Variants in COL22A1 observed in about 807,000 individuals in gnomAD.
COL22A1 encodes the protein collagen alpha-1(XXII) chain.
In COL22A1, 221 loss-of-function variants were observed where a neutral mutation model predicts 248.9. The observed-to-expected ratio is 0.89, with a 90% CI of 0.80 to 0.99. COL22A1 has a LOEUF of 0.99. Among genes scored for constraint, COL22A1 ranks in the 50% least tolerant of loss-of-function variants. The pLI is 0.00. For synonymous variants in COL22A1, 891 were observed against 793.4 expected (o/e 1.12, Z -2.07); for missense variants, 2,240 against 2,179.0 (o/e 1.03, Z -0.56).
intron 22 of COL22A1, among the ~76,000 whole-genome samples, chr8:138,750,574 C>A (rs1295478159): frequency 6.6e-6 from 1 of 152,132 alleles, no homozygotes. Context: ...CTAAGAGAGG[C>A]CATACGTGGA....
chr8:138,732,197 G>T (rs1830761541), intron 23 of COL22A1, among the ~76,000 whole-genome samples: 1 of 152,110 alleles, frequency 6.6e-6, no homozygotes, highest in South Asian at 2.1e-4. Flanking sequence ...ACACATTATT[G>T]TCCTTTTATA....
intron 38 of COL22A1, 65 bp from the exon 39 acceptor site, chr8:138,684,534 G>C: frequency 8.6e-7 from 1 of 1,156,360 alleles, no homozygotes; most frequent in Non-Finnish European, 1.3e-6. Flanking sequence ...CATCCACCAC[G>C]TGCCAGGCTG....
At chr8:138,735,209 A>G (rs888837594) in intron 23 of COL22A1, among the ~76,000 whole-genome samples, 1 of 152,156 alleles carries the variant, frequency 6.6e-6, no homozygotes, top group Admixed American at 6.5e-5. Flanking sequence ...AGAAAAAGAA[A>G]CCTGGCCTCT....
chr8:138,635,000 G>A lies in COL22A1; in HGVS notation c.3609+10C>T. The A allele has an allele frequency of 6.3e-7, 1 of 1,580,832 alleles. No homozygotes were observed. Among genetic ancestry groups the A allele is most frequent in the Admixed American group, 1.7e-5 (1 of 59,582 alleles). ...GCCGAAAGAGGAGGGGATTAAAGAT[G>A]ATTACTTACTGGTGGCCCAGGGTTC... is the stretch of plus-strand genomic sequence containing the variant. On this transcript the variant is annotated intron_variant, in intron 49 of 64. Transcript: ENST00000303045.
At chr8:138,601,747 T>A (rs1006982756) in intron 60 of COL22A1, among the ~76,000 whole-genome samples, 1 of 152,162 alleles carries the variant, frequency 6.6e-6, no homozygotes, top group East Asian at 1.9e-4. Context: ...TCCTGGCAAA[T>A]TGGCACTTCG....
intron 2 of COL22A1, among the ~76,000 whole-genome samples, chr8:138,881,916 T>C (rs1411381624): frequency 6.6e-6 from 1 of 152,146 alleles, no homozygotes; most frequent in Non-Finnish European, 1.5e-5. Context: ...GGGGCCCTCA[T>C]ACAGGTTAGC....
chr8:138,878,222 G>A lies in COL22A1; in HGVS notation c.186C>T (p.Ala62=). The change falls in exon 3 of 65, where the codon GCC becomes GCT. Residue 62 remains alanine, a synonymous_variant. Transcript: ENST00000303045. ...CCACCTCGAAGGTGTCCACCAGGTTGGCCACCCACTGCCGGACCTTCTCAA... is the reference window on the plus strand; with the variant it reads ...CCACCTCGAAGGTGTCCACCAGGTTAGCCACCCACTGCCGGACCTTCTCAA... ...EDFEKVRQWV[A]NLVDTFEVGP... The A allele has an allele frequency of 6.3e-7, 1 of 1,596,218 alleles. No homozygotes were observed. The highest frequency in any genetic ancestry group is 8.5e-7 in the Non-Finnish European group (1 of 1,171,628).
chr8:138,753,355 A>G (rs1832756689), intron 21 of COL22A1, among the ~76,000 whole-genome samples: 1 of 152,212 alleles, frequency 6.6e-6, no homozygotes, highest in South Asian at 2.1e-4. Context: ...TCTCTTAATA[A>G]GGCCTTTAGT....
At chr8:138,739,014 C>T (rs894050691) in intron 22 of COL22A1, among the ~76,000 whole-genome samples, 1 of 152,154 alleles carries the variant, frequency 6.6e-6, no homozygotes, top group African/African-American at 2.4e-5. Flanking sequence ...TTCTCTCTCC[C>T]CAGAACCACT....
rs1817317479 is a variant in COL22A1 at position 138,594,105 on chromosome 8, C to T, written c.4527G>A (p.Gly1509=). 3 of 1,581,836 alleles carry T rather than the reference C, an allele frequency of 1.9e-6. No individual in the cohort carries two copies. Among genetic ancestry groups the T allele is most frequent in the Middle Eastern group, 1.7e-4 (1 of 5,968 alleles). Residue 1509 remains glycine, a synonymous_variant, in exon 63 of 65, where the codon GGG becomes GGA. Coordinates refer to ENST00000303045, the MANE Select transcript of COL22A1 (RefSeq NM_152888.3). The part of the protein sequence containing the change: ...PGPPGPPGKD[G]LPGRAGPMGE... The stretch of plus-strand genomic sequence containing the variant: ...CCATGGGGCCGGCCCGGCCTGGAAG[C>T]CCATCTTTTCCAGGGGGCCCTGGGG...
At position 138,751,521 on chromosome 8, in the gene COL22A1, G is replaced by C; in HGVS notation, c.2032-10C>G. The C allele has an allele frequency of 6.3e-7, 1 of 1,597,572 alleles. No homozygotes were observed. Among genetic ancestry groups the C allele is most frequent in the Non-Finnish European group, 8.5e-7 (1 of 1,170,244 alleles). On this transcript the variant is annotated splice_polypyrimidine_tract_variant and intron_variant, in intron 21 of 64. Transcript: ENST00000303045. ...CTGGGCCTATTGGACCCTTTAGGAG[G>C]GAGAAAAAGGAAAAAGAGAGAGAAA... is the stretch of plus-strand genomic sequence containing the variant.
chr8:138,692,839 TC>T (rs952636219), intron 35 of COL22A1, among the ~76,000 whole-genome samples: 1 of 152,168 alleles, frequency 6.6e-6, no homozygotes, highest in Non-Finnish European at 1.5e-5. Flanking sequence ...TTGCCATCTG[TC>T]CCCACTGTGG....
intron 61 of COL22A1, among the ~76,000 whole-genome samples, chr8:138,597,867 C>T (rs568117720): frequency 2.0e-5 from 3 of 152,328 alleles, no homozygotes; most frequent in East Asian, 3.9e-4. Context: ...AGCCTCTCCA[C>T]TGACTTGGCC....
chr8:138,694,715 G>A, intron 33 of COL22A1, 111 bp downstream of exon 33: 1 of 1,405,714 alleles, frequency 7.1e-7, no homozygotes, highest in Admixed American at 1.8e-5. Context: ...CTTCCATTCA[G>A]TGTGGCTCCT....
At position 138,856,591 on chromosome 8, in the gene COL22A1, T is replaced by TGA. The variant is rs148698442; in HGVS notation, c.659-12435_659-12434dup. ...GGGACAGAGAGAGAGACAGAGGCAG[T>TGA]GAGAGAGAGAGAGAGAGAGAGAGAG... is the stretch of plus-strand genomic sequence containing the variant. On this transcript the variant is annotated intron_variant, in intron 3 of 64. Coordinates refer to ENST00000303045, the MANE Select transcript of COL22A1 (RefSeq NM_152888.3). Among the ~76,000 whole-genome samples the TGA allele has an allele frequency of 8.9e-3, 939 of 105,836 alleles. 3 individuals are homozygous for TGA. Among genetic ancestry groups the TGA allele is most frequent in the Middle Eastern group, 0.023 (4 of 172 alleles). The allele number at this position is 105,836 out of a possible 152,430, so 69.4% of individuals were successfully genotyped here. A position where few individuals can be genotyped will look rare whatever the true frequency, so the allele number is the denominator to read the frequency against.
intron 1 of COL22A1, among the ~76,000 whole-genome samples, chr8:138,884,673 C>T (rs555655050): frequency 2.6e-4 from 40 of 152,230 alleles, no homozygotes; most frequent in African/African-American, 5.8e-4. Context: ...TGACATCCTA[C>T]GAACTGGCAT....
At chr8:138,701,703 G>C (rs1355915357) in intron 31 of COL22A1, among the ~76,000 whole-genome samples, 2 of 152,212 alleles carry the variant, frequency 1.3e-5, no homozygotes, top group Non-Finnish European at 2.9e-5. Context: ...CTGCCTTATG[G>C]ATAAGAAAAT....
intron 25 of COL22A1, among the ~76,000 whole-genome samples, chr8:138,722,850 C>CGGGGG (rs1171912230): frequency 7.6e-4 from 9 of 11,848 alleles, no homozygotes; most frequent in East Asian, 3.0e-3. Flanking sequence ...CACATGGGGG[C>CGGGGG]GGGGGGGGGG....
intron 1 of COL22A1, among the ~76,000 whole-genome samples, chr8:138,894,866 A>G (rs1046007057): frequency 5.3e-5 from 8 of 152,078 alleles, no homozygotes; most frequent in Non-Finnish European, 1.2e-4. Flanking sequence ...AGAGTATTGT[A>G]TGGTGTATTT....
Sources: gnomAD v4.1 joint callset for allele counts (sites outside exome capture counted in the v4.1 genomes callset) on GRCh38, gnomAD v4.1.1 for gene constraint, MANE v1.5 for transcripts, NCBI Gene and HGNC (gene_info 2026-07-23, HGNC 2026-07-21) for gene names.